The following LOC102723971 variants were observed in gnomAD, a reference collection of about 807,000 sequenced individuals.
the LOC102723971 span, chr9:135,618,009 T>G: frequency 2.5e-6 from 1 of 398,632 alleles, no homozygotes; most frequent in Middle Eastern, 6.3e-4. Flanking sequence ...GTGGAGAAAT[T>G]CCACCTGCAG....
chr9:135,617,524 G>A, the LOC102723971 span, among the ~76,000 whole-genome samples: 1 of 152,050 alleles, frequency 6.6e-6, no homozygotes, highest in Non-Finnish European at 1.5e-5. Flanking sequence ...GCCGGAGCCC[G>A]AGCCCAGGAT....
At chr9:135,616,777 AG>A in the LOC102723971 span, 2 of 398,292 alleles carry the variant, frequency 5.0e-6, no homozygotes, top group Non-Finnish European at 4.4e-6. Context: ...CTTTGGGGGA[AG>A]ACCGGGTGCT....
the LOC102723971 span, among the ~76,000 whole-genome samples, chr9:135,614,620 G>T: frequency 4.6e-5 from 7 of 152,172 alleles, no homozygotes; most frequent in African/African-American, 1.2e-4. Flanking sequence ...ACAACAGCAG[G>T]TCGCAGGAGA....
chr9:135,617,637 G>A, the LOC102723971 span, among the ~76,000 whole-genome samples: 1 of 152,182 alleles, frequency 6.6e-6, no homozygotes, highest in Non-Finnish European at 1.5e-5. Flanking sequence ...CTCTCTGGGG[G>A]TCTCCACTGA....
At chr9:135,615,331 GCCT>G in the LOC102723971 span, 1 of 398,216 alleles carries the variant, frequency 2.5e-6, no homozygotes. Context: ...GCGCTAGCTG[GCCT>G]CCTCTGCCCC....
At chr9:135,616,597 G>T in the LOC102723971 span, 2 of 398,792 alleles carry the variant, frequency 5.0e-6, no homozygotes, top group Non-Finnish European at 8.8e-6. Flanking sequence ...GGGAGAAGGG[G>T]TGTGTAAAGA....
chr9:135,614,712 G>A, the LOC102723971 span, among the ~76,000 whole-genome samples: 3 of 152,112 alleles, frequency 2.0e-5, no homozygotes, highest in African/African-American at 4.8e-5. Flanking sequence ...GGACCCAGCC[G>A]AGCAGGGGAG....
At chr9:135,618,762 A>G in the LOC102723971 span, among the ~76,000 whole-genome samples, 1 of 151,902 alleles carries the variant, frequency 6.6e-6, no homozygotes, top group African/African-American at 2.4e-5. Flanking sequence ...GTGGGTTTCC[A>G]CAGAGCACAG....
At chr9:135,615,470 G>C in the LOC102723971 span, 3 of 398,592 alleles carry the variant, frequency 7.5e-6, no homozygotes. Flanking sequence ...CAGGGACGGC[G>C]GGGACGTGGA....
the LOC102723971 span, chr9:135,614,228 T>A: frequency 5.0e-6 from 2 of 398,504 alleles, no homozygotes; most frequent in Non-Finnish European, 8.8e-6. Context: ...ACGCTCCCCC[T>A]TCCCCGGAGC....
the LOC102723971 span, chr9:135,619,063 G>T: frequency 5.0e-6 from 2 of 399,686 alleles, no homozygotes; most frequent in African/African-American, 2.1e-5. Context: ...ACTGTCCCCA[G>T]GTCCCCCTGG....
the LOC102723971 span, chr9:135,616,570 C>T: frequency 2.5e-6 from 1 of 398,618 alleles, no homozygotes; most frequent in Non-Finnish European, 4.4e-6. Context: ...GGCCCTGGTT[C>T]CTTTCTCTTT....
chr9:135,614,211 G>A, the LOC102723971 span: 2 of 398,442 alleles, frequency 5.0e-6, no homozygotes, highest in African/African-American at 4.1e-5. Context: ...GAGGGAGCTG[G>A]CTAGGGACGC....
At chr9:135,618,899 C>T in the LOC102723971 span, 4 of 398,874 alleles carry the variant, frequency 1.0e-5, no homozygotes, top group Non-Finnish European at 1.8e-5. Flanking sequence ...GTGAAGTCCT[C>T]AGAATCACCA....
the LOC102723971 span, among the ~76,000 whole-genome samples, chr9:135,619,788 G>A: frequency 4.6e-5 from 7 of 151,892 alleles, no homozygotes; most frequent in African/African-American, 1.2e-4. Context: ...AATACTTGTC[G>A]TCTGGAACTC....
At chr9:135,615,469 C>G in the LOC102723971 span, 1 of 398,700 alleles carries the variant, frequency 2.5e-6, no homozygotes, top group Non-Finnish European at 4.4e-6. Flanking sequence ...CCAGGGACGG[C>G]GGGGACGTGG....
the LOC102723971 span, chr9:135,615,268 C>T: frequency 2.5e-6 from 1 of 396,834 alleles, no homozygotes; most frequent in Non-Finnish European, 4.4e-6. Flanking sequence ...ACTAGCCGGC[C>T]TCTCCCGACC....
the LOC102723971 span, chr9:135,614,457 G>T: frequency 5.2e-6 from 2 of 386,506 alleles, no homozygotes; most frequent in Non-Finnish European, 9.1e-6. Context: ...CCGGGGTTCA[G>T]ATCCTGCCTG....
At chr9:135,615,191 G>A in the LOC102723971 span, among the ~76,000 whole-genome samples, 2 of 152,174 alleles carry the variant, frequency 1.3e-5, no homozygotes, top group Non-Finnish European at 2.9e-5. Flanking sequence ...ACACAGCCGG[G>A]CACTAGCCAG....
Sources: gnomAD v4.1 joint callset for allele counts (sites outside exome capture counted in the v4.1 genomes callset) on GRCh38, gnomAD v4.1.1 for gene constraint, MANE v1.5 for transcripts.